Variants in AKR1B15 observed in about 807,000 individuals in gnomAD.
AKR1B15 encodes aldo-keto reductase family 1 member B15, also known as estradiol 17-beta-dehydrogenase AKR1B15.
Under a neutral mutation model 38.5 loss-of-function variants are expected in AKR1B15, and 49 were observed. The ratio of observed to expected loss-of-function variants is 1.27; its 90% CI spans 1.01 to 1.62. The LOEUF (loss-of-function observed/expected upper bound fraction) is 1.62, where lower values mean the gene tolerates loss of function less well. Ranked by LOEUF, AKR1B15 falls within the 40% of genes most tolerant of loss-of-function variation. AKR1B15 has a pLI of 0.00. For missense variants in AKR1B15, 411 were observed against 381.6 expected, an observed-to-expected ratio of 1.08 and a Z score of -0.64; for synonymous variants, 137 against 135.5, an observed-to-expected ratio of 1.01 and a Z score of -0.08.
intron 5 of AKR1B15, among the ~76,000 whole-genome samples, chr7:134,570,679 A>G (rs754768727): frequency 1.7e-4 from 26 of 152,226 alleles, no homozygotes; most frequent in Non-Finnish European, 3.5e-4. Context: ...TAGTAGCTGC[A>G]CCAGGGCTGC....
In AKR1B15 at chr7:134,579,625, A is replaced by G; in HGVS notation, c.*76A>G. 1 of 1,347,614 alleles carries G rather than the reference A, an allele frequency of 7.4e-7. No homozygotes were observed. The highest frequency in any genetic ancestry group is 1.0e-6 in the Non-Finnish European group (1 of 986,094). The allele number at this position is 1,347,614 out of a possible 1,614,324, so 83.5% of individuals were successfully genotyped here. On this transcript the variant is annotated 3_prime_UTR_variant, in exon 12 of 12. Transcript: ENST00000457545. ...GTGTGACTGTCTCCACTCAAGAACT[A>G]TTTTAGCCAAGCTTATCTGAGATCA... is the stretch of plus-strand genomic sequence containing the variant.
intron 5 of AKR1B15, 135 bp from the exon 6 acceptor site, chr7:134,571,469 T>C: frequency 4.2e-6 from 3 of 711,736 alleles, no homozygotes; most frequent in Non-Finnish European, 7.6e-6. Flanking sequence ...CACATTCTTG[T>C]AGTATGTACT....
chr7:134,579,491 T>TTTC lies in AKR1B15; in HGVS notation c.993-15_993-14insTCT, dbSNP rs1554404426. On this transcript the variant is annotated splice_polypyrimidine_tract_variant and intron_variant, in intron 11 of 11. Coordinates refer to ENST00000457545, the MANE Select transcript of AKR1B15 (RefSeq NM_001080538.3). The stretch of plus-strand genomic sequence containing the variant: ...GATGGAACACAGTTTCTTTTTTTTT[T>TTTC]TCTCTCTCTCTGTAGATTCTCTCAT... 8.0e-5 allele frequency: 125 copies of TTTC among 1,566,254 alleles called. No individual in the cohort carries two copies. In the African/African-American group the frequency reaches 1.4e-3, roughly 18 times the overall value.
chr7:134,559,490 C>A (rs368301206), intron 2 of AKR1B15, among the ~76,000 whole-genome samples: 1 of 152,244 alleles, frequency 6.6e-6, no homozygotes, highest in East Asian at 1.9e-4. Flanking sequence ...TATAAATAAT[C>A]CCCGGACCAT....
chr7:134,572,187 C>T (rs1794682050), intron 6 of AKR1B15, among the ~76,000 whole-genome samples: 1 of 152,122 alleles, frequency 6.6e-6, no homozygotes, highest in South Asian at 2.1e-4. Flanking sequence ...GGGTTAACAT[C>T]CCCATTTATA....
chr7:134,561,527 T>C (rs1301909405), intron 2 of AKR1B15, among the ~76,000 whole-genome samples: 4 of 152,196 alleles, frequency 2.6e-5, no homozygotes, highest in African/African-American at 9.6e-5. Context: ...TTATTAATGT[T>C]GAAGTAGATA....
chr7:134,571,119 G>A (rs180688620), intron 5 of AKR1B15, among the ~76,000 whole-genome samples: 4 of 152,324 alleles, frequency 2.6e-5, no homozygotes, highest in Admixed American at 1.3e-4. Flanking sequence ...CTCCTGAGGG[G>A]TGGGGGAGAC....
At chr7:134,577,331 C>G (rs1230408836) in intron 10 of AKR1B15, among the ~76,000 whole-genome samples, 2 of 152,166 alleles carry the variant, frequency 1.3e-5, no homozygotes, top group Admixed American at 1.3e-4. Context: ...CAGCTAGGCC[C>G]TAGGCCATAC....
At position 134,569,324 on chromosome 7, in the gene AKR1B15, G is replaced by A. The variant is rs1219783983; in HGVS notation, c.319-89G>A. 23 of 1,489,100 alleles carry A rather than the reference G, an allele frequency of 1.5e-5. No homozygotes were observed. In the East Asian group the frequency reaches 4.6e-4, roughly 29 times the overall value. The allele number at this position is 1,489,100 out of a possible 1,614,324, so 92.2% of individuals were successfully genotyped here. On this transcript the variant is annotated intron_variant, in intron 4 of 11. Transcript: ENST00000457545. ...ATAGATGGCCTGAGCCAGGTTAGAT[G>A]AGGATGCAAATCAAAAAGCAGGGAC...
chr7:134,571,794 G>C, intron 6 of AKR1B15, 113 bp downstream of exon 6: 1 of 850,620 alleles, frequency 1.2e-6, no homozygotes, highest in South Asian at 1.6e-5. Context: ...TCATCATTGT[G>C]ATTCTCTAGC....
chr7:134,565,254 T>C (rs1794506414), intron 3 of AKR1B15: 1 of 619,398 alleles, frequency 1.6e-6, no homozygotes. Flanking sequence ...GGCTTCATTC[T>C]TGAAGTCAGC....
At chr7:134,570,077 C>A (rs1303156653) in intron 5 of AKR1B15, 1 of 153,436 alleles carries the variant, frequency 6.5e-6, no homozygotes, top group Non-Finnish European at 1.5e-5. Flanking sequence ...CAAGGAACAA[C>A]CCTGAGAAAG....
chr7:134,566,111 T>G (rs1036347597), intron 3 of AKR1B15, among the ~76,000 whole-genome samples: 2 of 152,106 alleles, frequency 1.3e-5, no homozygotes, highest in African/African-American at 4.8e-5. Flanking sequence ...CTGGGCAACA[T>G]AGCAAGACCC....
chr7:134,571,687 T>C lies in AKR1B15; in HGVS notation c.513+6T>C, dbSNP rs1034382329. 63 of 1,611,856 alleles carry C rather than the reference T, an allele frequency of 3.9e-5. No individual in the cohort carries two copies. The highest frequency in any genetic ancestry group is 5.3e-5 in the Non-Finnish European group (62 of 1,178,502). On this transcript the variant is annotated splice_donor_region_variant and intron_variant, in intron 6 of 11. Coordinates refer to ENST00000457545, the MANE Select transcript of AKR1B15 (RefSeq NM_001080538.3). Reference sequence around the variant, plus strand: ...CGTTCTTGGATGCCTGGGAGGTAGGTTCCAGCTTTGTCTAAGTGTGCTGGG... The same window carrying C: ...CGTTCTTGGATGCCTGGGAGGTAGGCTCCAGCTTTGTCTAAGTGTGCTGGG...
At chr7:134,549,705 G>T (rs1430261316) in intron 1 of AKR1B15, among the ~76,000 whole-genome samples, 1 of 152,138 alleles carries the variant, frequency 6.6e-6, no homozygotes, top group African/African-American at 2.4e-5. Flanking sequence ...CAGCCAGGAG[G>T]GCATCTGACT....
chr7:134,569,030 G>A (rs927925256), intron 4 of AKR1B15, among the ~76,000 whole-genome samples: 5 of 152,114 alleles, frequency 3.3e-5, no homozygotes, highest in Non-Finnish European at 7.4e-5. Context: ...GTCAGATAAA[G>A]GGCCATCTAT....
At position 134,577,737 on chromosome 7, in the gene AKR1B15, G is replaced by C; in HGVS notation, c.943G>C (p.Ala315Pro). 6.2e-7 allele frequency: 1 copy of C among 1,613,960 alleles called. No individual in the cohort carries two copies. Among genetic ancestry groups the C allele is most frequent in the Non-Finnish European group, 8.5e-7 (1 of 1,179,956 alleles). ...FDFKLSDEEM[A>P]TILSFNRNWR... ...CTTTAAATTGAGTGATGAGGAGATG[G>C]CAACCATACTCAGCTTCAACAGAAA... is the stretch of plus-strand genomic sequence containing the variant. The change falls in exon 11 of 12, where the codon GCA becomes CCA. Residue 315 changes from alanine to proline, a missense_variant. Transcript: ENST00000457545.
intron 6 of AKR1B15, among the ~76,000 whole-genome samples, chr7:134,571,912 C>T (rs1794676992): frequency 6.6e-6 from 1 of 152,102 alleles, no homozygotes; most frequent in Non-Finnish European, 1.5e-5. Flanking sequence ...ACAATGTACC[C>T]CACTTTGGGG....
chr7:134,570,778 T>G (rs1328482857), intron 5 of AKR1B15, among the ~76,000 whole-genome samples: 1 of 152,126 alleles, frequency 6.6e-6, no homozygotes, highest in Non-Finnish European at 1.5e-5. Flanking sequence ...AGAAAGATGC[T>G]GGCTGGAAGG....
Sources: allele counts gnomAD v4.1 joint callset (sites outside exome capture counted in the v4.1 genomes callset), GRCh38; gene constraint gnomAD v4.1.1; transcripts MANE v1.5; gene names NCBI Gene and HGNC (gene_info 2026-07-23, HGNC 2026-07-21).